Variants in SPATA13 observed in about 807,000 individuals in gnomAD.
SPATA13 encodes the protein spermatogenesis associated 13.
In SPATA13, 50 loss-of-function variants were observed where a neutral mutation model predicts 104.0. That is an observed-to-expected ratio of 0.48 (90% CI 0.38 to 0.61). The LOEUF (loss-of-function observed/expected upper bound fraction) is 0.61. Among genes scored for constraint, SPATA13 ranks in the 20% least tolerant of loss-of-function variants. The probability of loss-of-function intolerance (pLI) is 0.00; values close to 1 mark genes in which losing one functional copy is unlikely to be tolerated. For synonymous variants in SPATA13, 606 were observed against 667.5 expected (o/e 0.91, Z 1.42); for missense variants, 1,524 against 1,690.6 (o/e 0.90, Z 1.73).
At chr13:23,998,117 G>A (rs1283401726) in intron 2 of SPATA13, among the ~76,000 whole-genome samples, 4 of 152,122 alleles carry the variant, frequency 2.6e-5, no homozygotes, top group African/African-American at 9.7e-5. Context: ...TGATATGTAC[G>A]TTTAACTTTT....
At chr13:24,115,707 G>T (rs1173636398) in intron 3 of SPATA13, among the ~76,000 whole-genome samples, 1 of 152,210 alleles carries the variant, frequency 6.6e-6, no homozygotes, top group Non-Finnish European at 1.5e-5. Flanking sequence ...GAACACGGGT[G>T]CCCTGCCTGT....
chr13:23,990,732 C>T (rs2137658739), intron 2 of SPATA13, among the ~76,000 whole-genome samples: 1 of 152,340 alleles, frequency 6.6e-6, no homozygotes, highest in Admixed American at 6.5e-5. Context: ...TCACATCTAC[C>T]TTGTTTCCCG....
chr13:24,121,928 C>T lies in SPATA13; in HGVS notation c.-111-100891C>T, dbSNP rs151184743. On this transcript the variant is annotated intron_variant, in intron 3 of 14. Coordinates refer to the SPATA13 transcript ENST00000424834. ...GCCAGGTTGCATGATCGGGTCCCAT[C>T]TCCTGGGGTTGTTGTTTCTTTTGTC... 8.8e-5 allele frequency: 58 copies of T among 655,784 alleles called. No homozygotes were observed. The Middle Eastern group carries it at 1.3e-3, about 14-fold the overall frequency. 40.6% of individuals were successfully genotyped at this position (655,784 alleles called of 1,614,324 possible). A position where few individuals can be genotyped will look rare whatever the true frequency, so the allele number is the denominator to read the frequency against.
At chr13:24,031,694 C>A (rs1218477976) in intron 3 of SPATA13, among the ~76,000 whole-genome samples, 1 of 152,160 alleles carries the variant, frequency 6.6e-6, no homozygotes, top group African/African-American at 2.4e-5. Flanking sequence ...ATATGACCTG[C>A]CCTTGGGGAA....
intron 3 of SPATA13, among the ~76,000 whole-genome samples, chr13:24,077,433 G>A (rs1036930564): frequency 4.6e-5 from 7 of 152,028 alleles, no homozygotes; most frequent in South Asian, 2.1e-4. Flanking sequence ...TAGTACACAC[G>A]GACATAAAGA....
intron 2 of SPATA13, among the ~76,000 whole-genome samples, chr13:24,014,547 T>C (rs1419722031): frequency 6.6e-6 from 1 of 152,236 alleles, no homozygotes; most frequent in Admixed American, 6.5e-5. Context: ...GAGAAAATAA[T>C]ATTTGAAAAT....
chr13:24,259,561 C>T (rs1401739048), intron 4 of SPATA13, among the ~76,000 whole-genome samples: 1 of 152,128 alleles, frequency 6.6e-6, no homozygotes, highest in Non-Finnish European at 1.5e-5. Context: ...TGATTTTGTA[C>T]TGAATGTATA....
chr13:24,224,253 A>G lies in SPATA13; in HGVS notation c.1324A>G (p.Lys442Glu). ...CCCGATTGTCCAGGATGTGTTGAGC[A>G]AAGACTCCTGTGACCCAAACGCTGG... ...PSPIVQDVLS[K>E]DSCDPNAGSQ... is the part of the protein sequence containing the mutation. Residue 442 changes from lysine to glutamate, a missense_variant, in exon 2 of 13, where the codon AAA (lysine) becomes GAA (glutamate). Around this residue, in one of 2 missense-constraint regions of SPATA13, gnomAD observed 1,089 missense variants for 1,135.9 expected, o/e 0.96. Coordinates refer to ENST00000382108, the MANE Select transcript of SPATA13 (RefSeq NM_001166271.3). 9.0e-6 allele frequency: 14 copies of G among 1,551,688 alleles called. No homozygotes were observed. The highest frequency in any genetic ancestry group is 1.1e-5 in the Non-Finnish European group (13 of 1,146,982).
intron 3 of SPATA13, among the ~76,000 whole-genome samples, chr13:24,073,329 C>T (rs967064031): frequency 6.6e-6 from 1 of 152,196 alleles, no homozygotes; most frequent in Non-Finnish European, 1.5e-5. Context: ...CAACTAGGGC[C>T]CAGGCAAGTG....
intron 3 of SPATA13, among the ~76,000 whole-genome samples, chr13:24,145,709 G>A (rs1881906821): frequency 6.6e-6 from 1 of 152,206 alleles, no homozygotes; most frequent in South Asian, 2.1e-4. Context: ...ACATAGCTCA[G>A]GTGGAGAGAA....
intron 3 of SPATA13, 68 bp from the exon 4 acceptor site, chr13:24,251,650 C>T (rs770588678): frequency 2.5e-5 from 39 of 1,588,896 alleles, no homozygotes; most frequent in Non-Finnish European, 2.9e-5. Context: ...GAGCGCTATG[C>T]GTGTGAGGTG....
intron 2 of SPATA13, among the ~76,000 whole-genome samples, chr13:24,238,419 A>C (rs1363750312): frequency 6.6e-6 from 1 of 152,058 alleles, no homozygotes; most frequent in African/African-American, 2.4e-5. Flanking sequence ...GGCCTCCCAG[A>C]GTGCTGGGAT....
intron 9 of SPATA13, among the ~76,000 whole-genome samples, chr13:24,293,289 G>A (rs1876536804): frequency 1.3e-5 from 2 of 150,712 alleles, no homozygotes; most frequent in South Asian, 2.1e-4. Flanking sequence ...AATTATAGTT[G>A]TAAATACCTT....
intron 3 of SPATA13, among the ~76,000 whole-genome samples, chr13:24,018,351 T>C (rs1052019664): frequency 1.3e-5 from 2 of 152,224 alleles, no homozygotes; most frequent in African/African-American, 2.4e-5. Context: ...GTTTTTTCCA[T>C]CTTAGCATTA....
At chr13:24,027,109 T>G (rs928184639) in intron 3 of SPATA13, among the ~76,000 whole-genome samples, 2 of 151,546 alleles carry the variant, frequency 1.3e-5, no homozygotes, top group Admixed American at 1.3e-4. Flanking sequence ...ATTACCTTTT[T>G]GTTCCTGATA....
At position 23,989,536 on chromosome 13, in the gene SPATA13, G is replaced by A. The variant is rs1390244413; in HGVS notation, c.-147+5603G>A. Among the ~76,000 whole-genome samples, 3 of 152,084 alleles carry A rather than the reference G, an allele frequency of 2.0e-5. No homozygotes were observed. In the East Asian group the frequency reaches 5.8e-4, roughly 29 times the overall value. On this transcript the variant is annotated intron_variant, in intron 2 of 14. Transcript: ENST00000424834. ...AATAGCGTATTATTAAATATCATTTGCTAAGCTCATGCAGCTAACTGCATA... is the reference window on the plus strand; with the variant it reads ...AATAGCGTATTATTAAATATCATTTACTAAGCTCATGCAGCTAACTGCATA...
intron 3 of SPATA13, among the ~76,000 whole-genome samples, chr13:24,019,348 A>G (rs962733330): frequency 8.5e-5 from 13 of 152,074 alleles, no homozygotes; most frequent in South Asian, 2.1e-4. Context: ...TCGGCCTCCC[A>G]AAGTGCTGGG....
chr13:24,252,659 T>C (rs1873560230), intron 4 of SPATA13: 1 of 152,260 alleles, frequency 6.6e-6, no homozygotes, highest in African/African-American at 2.4e-5. Context: ...CTGCTTTCTG[T>C]AACACTGGTT....
Position 24,103,661 on chromosome 13 carries a change from C to T in SPATA13, c.-112+85960C>T, listed in dbSNP as rs1040952688. On this transcript the variant is annotated intron_variant, in intron 3 of 14. Coordinates refer to the SPATA13 transcript ENST00000424834. ...ATATAATTACACACATATAGGTGCA[C>T]TAGATGTATCTATATGTATTTCTAT... 3.3e-5 allele frequency among the ~76,000 whole-genome samples: 5 copies of T among 151,838 alleles called. No homozygotes were observed. In the South Asian group the frequency reaches 1.0e-3, roughly 32 times the overall value.
Sources: allele counts gnomAD v4.1 joint callset (sites outside exome capture counted in the v4.1 genomes callset), GRCh38; gene constraint gnomAD v4.1.1; regional missense constraint gnomAD v4.1.1; transcripts MANE v1.5; gene names NCBI Gene and HGNC (gene_info 2026-07-23, HGNC 2026-07-21).